IPP: variants seen among roughly 807,000 people sequenced by gnomAD.
The protein encoded by IPP is intracisternal A particle-promoted polypeptide, also known as actin-binding protein IPP.
A neutral mutation model predicts 64.1 loss-of-function variants in IPP; 41 were observed. The observed-to-expected ratio is 0.64, with a 90% CI of 0.50 to 0.83. The LOEUF (loss-of-function observed/expected upper bound fraction) is 0.83. Among genes scored for constraint, IPP ranks in the 40% least tolerant of loss-of-function variants. IPP has a pLI of 0.00. For synonymous variants in IPP, 214 were observed against 235.2 expected, an observed-to-expected ratio of 0.91 and a Z score of 0.83; for missense variants, 649 against 703.0, an observed-to-expected ratio of 0.92 and a Z score of 0.87.
At chr1:45,695,692 G>C (rs1041848291), downstream of IPP, among the ~76,000 whole-genome samples, 4 of 150,348 alleles carry the variant, frequency 2.7e-5, no homozygotes, top group Admixed American at 2.6e-4. Flanking sequence ...TTTTTTAGAT[G>C]GAGTTTCACT....
chr1:45,731,006 A>C (rs79583917), intron 3 of IPP, among the ~76,000 whole-genome samples: 1 of 152,348 alleles, frequency 6.6e-6, no homozygotes, highest in African/African-American at 2.4e-5. Flanking sequence ...AGTGGGATAC[A>C]TCTCTGGCTA....
rs1645414793 is a variant in IPP, at chr1:45,699,008, T to G, written c.*958A>C. The stretch of plus-strand genomic sequence containing the variant: ...TCTCAAAGTGCTGGGATTACAGGTG[T>G]GAGCCACCATGCCCAGCCTAAAAAA... On this transcript the variant is annotated 3_prime_UTR_variant, in exon 9 of 9. Transcript: ENST00000396478. 1.0e-6 allele frequency: 1 copy of G among 982,182 alleles called. No individual in the cohort carries two copies. The highest frequency in any genetic ancestry group is 6.2e-5 in the Admixed American group (1 of 16,260). The allele number at this position is 982,182 out of a possible 1,614,324, so 60.8% of individuals were successfully genotyped here. A position where few individuals can be genotyped will look rare whatever the true frequency, so the allele number is the denominator to read the frequency against.
In IPP at chr1:45,716,877, A is replaced by AT; in HGVS notation, c.1309+17dup. On this transcript the variant is annotated intron_variant, in intron 7 of 8. Coordinates refer to ENST00000396478, the MANE Select transcript of IPP (RefSeq NM_005897.3). ...TCAGAACTACATTTTGAGGAAAAAT[A>AT]TTTTATAAAGTGATTACCTTGCATT... 6.3e-7 allele frequency: 1 copy of AT among 1,589,090 alleles called. No homozygotes were observed. Among genetic ancestry groups the AT allele is most frequent in the Non-Finnish European group, 8.5e-7 (1 of 1,170,068 alleles).
chr1:45,716,343 C>T lies in IPP; in HGVS notation c.1309+552G>A, dbSNP rs559687509. Among the ~76,000 whole-genome samples, 25 of 152,308 alleles carry T rather than the reference C, an allele frequency of 1.6e-4. No individual in the cohort carries two copies. In the South Asian group the frequency reaches 5.2e-3, roughly 32 times the overall value. ...CACTGCAACCTCTGCCTCCTGGGTTCAAGCAATTATCCTGCCTCAGCCTCC... is the reference window on the plus strand; with the variant it reads ...CACTGCAACCTCTGCCTCCTGGGTTTAAGCAATTATCCTGCCTCAGCCTCC... On this transcript the variant is annotated intron_variant, in intron 7 of 8. Coordinates refer to ENST00000396478, the MANE Select transcript of IPP (RefSeq NM_005897.3).
intron 3 of IPP, among the ~76,000 whole-genome samples, chr1:45,738,001 A>G (rs1250429340): frequency 6.6e-6 from 1 of 152,166 alleles, no homozygotes; most frequent in Admixed American, 6.5e-5. Flanking sequence ...TTAATCTCTT[A>G]CTGTCTCTAA....
At chr1:45,724,016 C>T (rs1375167979) in intron 5 of IPP, among the ~76,000 whole-genome samples, 2 of 150,958 alleles carry the variant, frequency 1.3e-5, no homozygotes, top group Admixed American at 6.6e-5. Flanking sequence ...CTTCCACGGT[C>T]TCCCTCTGAT....
chr1:45,745,633 C>A (rs1176012764), intron 2 of IPP, among the ~76,000 whole-genome samples: 1 of 151,330 alleles, frequency 6.6e-6, no homozygotes, highest in Admixed American at 6.6e-5. Context: ...CCAAGGCGGG[C>A]GGATCATGAG....
intron 2 of IPP, among the ~76,000 whole-genome samples, chr1:45,742,388 C>CA (rs1383106138): frequency 6.6e-6 from 1 of 151,944 alleles, no homozygotes; most frequent in African/African-American, 2.4e-5. Context: ...AGAAAAAAAA[C>CA]AAACAACAAC....
chr1:45,744,500 G>A (rs758132377), intron 2 of IPP, among the ~76,000 whole-genome samples: 64 of 151,918 alleles, frequency 4.2e-4, no homozygotes, highest in African/African-American at 7.7e-4. Flanking sequence ...TCAGCCTCCC[G>A]TTAGCTGGGA....
At chr1:45,717,485 A>G (rs1557745062) in intron 6 of IPP, among the ~76,000 whole-genome samples, 1 of 151,362 alleles carries the variant, frequency 6.6e-6, no homozygotes, top group South Asian at 2.1e-4. Flanking sequence ...TATCCCCACA[A>G]TAACATTTTC....
chr1:45,734,167 T>A (rs950127288), intron 3 of IPP, among the ~76,000 whole-genome samples: 3 of 152,030 alleles, frequency 2.0e-5, no homozygotes, highest in Non-Finnish European at 4.4e-5. Context: ...AAAATAAAAA[T>A]GCTAATTACC....
intron 1 of IPP, among the ~76,000 whole-genome samples, chr1:45,749,711 G>A (rs1033066136): frequency 6.6e-6 from 1 of 151,338 alleles, no homozygotes; most frequent in East Asian, 1.9e-4. Flanking sequence ...TAGTAGAGAC[G>A]GGGTTTCACC....
chr1:45,725,322 C>T (rs1435876507), intron 5 of IPP, among the ~76,000 whole-genome samples: 1 of 138,916 alleles, frequency 7.2e-6, no homozygotes, highest in Non-Finnish European at 1.6e-5. Context: ...CCAGCCGCCC[C>T]GTCCGGGAGG....
Position 45,699,236 on chromosome 1 carries a change from T to A in IPP, c.*730A>T. 4.1e-6 allele frequency: 4 copies of A among 985,348 alleles called. No homozygotes were observed. The highest frequency in any genetic ancestry group is 4.8e-6 in the Non-Finnish European group (4 of 829,872). The allele number at this position is 985,348 out of a possible 1,614,324, so 61.0% of individuals were successfully genotyped here. ...TTTCCCAAACACCCCTCCTAGGATA[T>A]CTGCTGCCAATAAAAAGTTTGGGGC... On this transcript the variant is annotated 3_prime_UTR_variant, in exon 9 of 9. Transcript: ENST00000396478.
chr1:45,738,139 G>T (rs1461534164), intron 3 of IPP, among the ~76,000 whole-genome samples: 1 of 152,130 alleles, frequency 6.6e-6, no homozygotes, highest in Non-Finnish European at 1.5e-5. Context: ...CATGGATAAA[G>T]GGGGACTACT....
chr1:45,727,444 CCCCTTG>C (rs1236748661), intron 5 of IPP, among the ~76,000 whole-genome samples, 181 bp downstream of exon 5: 4 of 152,036 alleles, frequency 2.6e-5, no homozygotes, highest in African/African-American at 7.2e-5. Context: ...CCTTCCCCTT[CCCCTTG>C]CCCTTCTCTT....
chr1:45,720,035 A>C (rs1645711894), intron 5 of IPP, among the ~76,000 whole-genome samples: 1 of 151,912 alleles, frequency 6.6e-6, no homozygotes, highest in South Asian at 2.1e-4. Context: ...AAATGAAAAA[A>C]TTTTAAAAAG....
intron 3 of IPP, among the ~76,000 whole-genome samples, chr1:45,733,725 G>A (rs1213473274): frequency 1.3e-5 from 2 of 151,594 alleles, no homozygotes; most frequent in African/African-American, 4.8e-5. Context: ...CCAGCTACTC[G>A]GGAGGCTGAG....
chr1:45,716,995 T>C lies in IPP; in HGVS notation c.1209A>G (p.Ile403Met). The C allele has an allele frequency of 6.2e-7, 1 of 1,613,142 alleles. No homozygotes were observed. The highest frequency in any genetic ancestry group is 8.5e-7 in the Non-Finnish European group (1 of 1,179,576). The part of the protein sequence containing the change: ...YALGGWVGAE[I>M]GNTIERFDPD... ...GATCAAATCGTTCAATGGTGTTCCC[T>C]ATCTCAGCTCCAACCCATCCACCTG... Residue 403 changes from isoleucine to methionine, a missense_variant, in exon 7 of 9, where the codon ATA becomes ATG. Physicochemically the swap from Ile to Met is conservative, Grantham distance 10. Transcript: ENST00000396478.
Sources: gnomAD v4.1 joint callset for allele counts (sites outside exome capture counted in the v4.1 genomes callset) on GRCh38, gnomAD v4.1.1 for gene constraint, MANE v1.5 for transcripts, NCBI Gene and HGNC (gene_info 2026-07-23, HGNC 2026-07-21) for gene names.